Variants in SCN3A observed in about 807,000 individuals in gnomAD.
SCN3A encodes sodium voltage-gated channel alpha subunit 3.
In SCN3A, 60 loss-of-function variants were observed where a neutral mutation model predicts 187.6. That is an observed-to-expected ratio of 0.32 (90% confidence interval 0.26 to 0.40). The LOEUF (loss-of-function observed/expected upper bound fraction) is 0.40. Among genes scored for constraint, SCN3A ranks in the 10% least tolerant of loss-of-function variants. The pLI is 1.00. For synonymous variants in SCN3A, 788 were observed against 829.2 expected (o/e 0.95, Z 0.85); for missense variants, 1,601 against 2,428.2 (o/e 0.66, Z 7.16).
At chr2:165,193,238 G>T (rs550009692) in intron 1 of SCN3A, among the ~76,000 whole-genome samples, 1 of 152,168 alleles carries the variant, frequency 6.6e-6, no homozygotes, top group Admixed American at 6.5e-5. Flanking sequence ...TGTTCTACAT[G>T]GGGGAGGGGG....
chr2:165,112,530 T>G (rs556079095), intron 21 of SCN3A, among the ~76,000 whole-genome samples: 15 of 152,228 alleles, frequency 9.9e-5, no homozygotes, highest in African/African-American at 3.6e-4. Flanking sequence ...TTCTTGGAGA[T>G]GTTTGTTTGT....
Position 165,162,874 on chromosome 2 carries a change from T to C in SCN3A, c.695-46A>G, listed in dbSNP as rs9333576. 0.15 allele frequency: 247,018 copies of C among 1,605,640 alleles called. 26,622 individuals carry two copies. Among genetic ancestry groups the C allele is most frequent in the East Asian group, 0.49 (21,862 of 44,792 alleles). ...GTTACCTGAGGAAGAGTGCCAGAAATCATGATTTCTTAATAGTCACACACA... is the reference window on the plus strand; with the variant it reads ...GTTACCTGAGGAAGAGTGCCAGAAACCATGATTTCTTAATAGTCACACACA... On this transcript the variant is annotated intron_variant, in intron 7 of 27. Coordinates refer to ENST00000283254, the MANE Select transcript of SCN3A (RefSeq NM_006922.4).
chr2:165,203,916 T>A lies in SCN3A; in HGVS notation c.-341A>T, dbSNP rs969213606. The stretch of plus-strand genomic sequence containing the variant: ...GTGTCTTCCTCTGCAGCTGTTCAGC[T>A]TTTTTTTTTTTTTTTTTTTTTGACC... On this transcript the variant is annotated 5_prime_UTR_variant, in exon 1 of 28. The change creates a new upstream start codon in the 5' untranslated region. Coordinates refer to ENST00000283254, the MANE Select transcript of SCN3A (RefSeq NM_006922.4). 1.6e-4 allele frequency: 11 copies of A among 67,846 alleles called. No individual in the cohort carries two copies. The highest frequency in any genetic ancestry group is 8.1e-4 in the African/African-American group (9 of 11,158). 4.2% of individuals were successfully genotyped at this position (67,846 alleles called of 1,614,324 possible).
At chr2:165,137,504 G>A (rs1433368522) in intron 15 of SCN3A, among the ~76,000 whole-genome samples, 1 of 151,938 alleles carries the variant, frequency 6.6e-6, no homozygotes, top group Non-Finnish European at 1.5e-5. Context: ...CAATCTTTGG[G>A]TCATCCCTTC....
At position 165,131,236 on chromosome 2, in the gene SCN3A, A is replaced by G; in HGVS notation, c.2565+8T>C. ...CAATGAGCGACAGGGATATATATAA[A>G]TAGATACCAGTCTGAATGATCGCAG... On this transcript the variant is annotated splice_region_variant and intron_variant, in intron 16 of 27. Transcript: ENST00000283254. The G allele has an allele frequency of 1.3e-6, 2 of 1,569,424 alleles. No homozygotes were observed. Among genetic ancestry groups the G allele is most frequent in the Non-Finnish European group, 1.7e-6 (2 of 1,153,406 alleles).
intron 5 of SCN3A, 77 bp from the exon 6 acceptor site, chr2:165,164,597 C>T (rs1277635285): frequency 6.6e-7 from 1 of 1,505,172 alleles, no homozygotes; most frequent in Non-Finnish European, 9.1e-7. Flanking sequence ...ATAGCAAATC[C>T]TATCCTTTTG....
intron 1 of SCN3A, among the ~76,000 whole-genome samples, chr2:165,194,033 A>T (rs1691777578): frequency 6.6e-6 from 1 of 152,154 alleles, no homozygotes; most frequent in African/African-American, 2.4e-5. Flanking sequence ...TCACTCCAAG[A>T]TGGTGCCTCA....
In SCN3A at chr2:165,189,174, T is replaced by A. The variant is rs563114448; in HGVS notation, c.-247-2427A>T. On this transcript the variant is annotated intron_variant, in intron 1 of 27. Coordinates refer to ENST00000283254, the MANE Select transcript of SCN3A (RefSeq NM_006922.4). ...AAAGTTGTATATAAAAAGCAAACAT[T>A]TTTCAAGAACTAAACTGAAGGGTGG... Among the ~76,000 whole-genome samples the A allele has an allele frequency of 3.3e-5, 5 of 152,296 alleles. No homozygotes were observed. In the South Asian group the frequency reaches 1.0e-3, roughly 32 times the overall value.
chr2:165,118,063 C>T (rs1686458368), intron 18 of SCN3A, among the ~76,000 whole-genome samples: 2 of 152,130 alleles, frequency 1.3e-5, no homozygotes, highest in Non-Finnish European at 2.9e-5. Flanking sequence ...CACATATGGA[C>T]CTCTGGTTGT....
At chr2:165,093,821 C>CA (rs1470291404) in intron 26 of SCN3A, 1 of 152,978 alleles carries the variant, frequency 6.5e-6, no homozygotes, top group Non-Finnish European at 1.5e-5. Context: ...TTACCAATCT[C>CA]AGAAAATAGC....
At chr2:165,097,654 C>A in intron 22 of SCN3A, 130 bp from the exon 23 acceptor site, 6 of 1,196,252 alleles carry the variant, frequency 5.0e-6, no homozygotes, top group East Asian at 2.5e-5. Context: ...CAAGTTGTTT[C>A]TTCTAATTTT....
At position 165,136,737 on chromosome 2, in the gene SCN3A, T is replaced by A. The variant is rs1687693052; in HGVS notation, c.2391+1142A>T. ...AACACTGAGAGAGGCAACAGAAAAA[T>A]GGGACACGGCCTTTGCCAAAGATGA... On this transcript the variant is annotated intron_variant, in intron 15 of 27. Coordinates refer to ENST00000283254, the MANE Select transcript of SCN3A (RefSeq NM_006922.4). Among the ~76,000 whole-genome samples the A allele has an allele frequency of 2.0e-5, 3 of 152,158 alleles. No individual in the cohort carries two copies. The South Asian group carries it at 6.2e-4, about 31-fold the overall frequency.
Position 165,154,243 on chromosome 2 carries a change from G to A in SCN3A, c.1380+209C>T, listed in dbSNP as rs553431972. 6.6e-5 allele frequency among the ~76,000 whole-genome samples: 10 copies of A among 151,748 alleles called. No homozygotes were observed. The East Asian group carries it at 1.4e-3, about 21-fold the overall frequency. On this transcript the variant is annotated intron_variant, in intron 11 of 27. Transcript: ENST00000283254. ...CTTATCTCTAATGTATTTTCTATCC[G>A]CTAGCTGATTTCTTTATATACAGTG...
chr2:165,107,091 C>T (rs1685898213), intron 21 of SCN3A, among the ~76,000 whole-genome samples: 1 of 151,946 alleles, frequency 6.6e-6, no homozygotes, highest in Non-Finnish European at 1.5e-5. Context: ...AAATGCATGA[C>T]TTAGAGGGGA....
At position 165,162,339 on chromosome 2, in the gene SCN3A, G is replaced by T; in HGVS notation, c.1000C>A (p.Pro334Thr). ...TCTGAGCCATTTCCACAGAGTAAAGGGTCTTTTTGCCCATCCAAAACATAA... is the reference window on the plus strand; with the variant it reads ...TCTGAGCCATTTCCACAGAGTAAAGTGTCTTTTTGCCCATCCAAAACATAA... ...HFYVLDGQKD[P>T]LLCGNGSDAG... The change falls in exon 9 of 28, where the codon CCT becomes ACT. Residue 334 changes from proline to threonine, a missense_variant. Physicochemically the swap from Pro to Thr is conservative, Grantham distance 38 (BLOSUM62 -1). Transcript: ENST00000283254. 3 of 1,612,880 alleles carry T rather than the reference G, an allele frequency of 1.9e-6. No homozygotes were observed. Among genetic ancestry groups the T allele is most frequent in the South Asian group, 2.2e-5 (2 of 90,926 alleles).
chr2:165,104,210 G>T (rs1162230661), intron 21 of SCN3A, among the ~76,000 whole-genome samples: 1 of 151,910 alleles, frequency 6.6e-6, no homozygotes, highest in Non-Finnish European at 1.5e-5. Flanking sequence ...AAAATTTTGT[G>T]AAGAAGAAAA....
In SCN3A at chr2:165,155,906, A is replaced by G. The variant is rs758464323; in HGVS notation, c.1032-3T>C. On this transcript the variant is annotated splice_region_variant and splice_polypyrimidine_tract_variant and intron_variant, in intron 9 of 27. Transcript: ENST00000283254. ...AGATGTATCCTTCTGGACACTGGCT[A>G]TAAGAGAGAGAAATGGAGGTAGGGT... The G allele has an allele frequency of 2.5e-6, 4 of 1,613,980 alleles. No homozygotes were observed. Among genetic ancestry groups the G allele is most frequent in the East Asian group, 2.2e-5 (1 of 44,876 alleles).
chr2:165,138,681 G>A (rs1687813516), intron 14 of SCN3A, among the ~76,000 whole-genome samples: 1 of 152,064 alleles, frequency 6.6e-6, no homozygotes, highest in Non-Finnish European at 1.5e-5. Flanking sequence ...TTAGCATCAT[G>A]TATTTAAAAT....
chr2:165,186,795 T>G (rs1018978129), intron 1 of SCN3A, 48 bp from the exon 2 acceptor site: 1 of 152,168 alleles, frequency 6.6e-6, no homozygotes, highest in African/African-American at 2.4e-5. Context: ...CTTTGACATT[T>G]GGCATAGGGG....
Sources: gnomAD v4.1 joint callset for allele counts (sites outside exome capture counted in the v4.1 genomes callset) on GRCh38, gnomAD v4.1.1 for gene constraint, MANE v1.5 for transcripts, NCBI Gene and HGNC (gene_info 2026-07-23, HGNC 2026-07-21) for gene names.